GRM7: variants seen among roughly 807,000 people sequenced by gnomAD.
The protein encoded by GRM7 is glutamate metabotropic receptor 7.
Under a neutral mutation model 84.5 loss-of-function variants are expected in GRM7, and 35 were observed. That is an observed-to-expected ratio of 0.41 (90% CI 0.32 to 0.55). GRM7 has a LOEUF of 0.55. GRM7 is among the 20% of genes least tolerant of loss of function. The probability of loss-of-function intolerance (pLI) is 0.19; values close to 1 mark genes in which losing one functional copy is unlikely to be tolerated. For synonymous variants in GRM7, 487 were observed against 455.1 expected (o/e 1.07, Z -0.89); for missense variants, 1,003 against 1,194.6 (o/e 0.84, Z 2.36).
chr3:7,510,333 C>T (rs1218689447), intron 7 of GRM7, among the ~76,000 whole-genome samples: 5 of 152,154 alleles, frequency 3.3e-5, no homozygotes, highest in African/African-American at 1.2e-4. Context: ...CCTCCTTTGT[C>T]TCTCATCAGG....
At chr3:7,088,173 G>T (rs1698529826) in intron 1 of GRM7, among the ~76,000 whole-genome samples, 1 of 152,150 alleles carries the variant, frequency 6.6e-6, no homozygotes, top group Admixed American at 6.5e-5. Context: ...AGCCGTCTAA[G>T]CTTCAGTACC....
intron 8 of GRM7, among the ~76,000 whole-genome samples, chr3:7,586,749 A>C (rs1489811589): frequency 6.6e-6 from 1 of 152,192 alleles, no homozygotes; most frequent in African/African-American, 2.4e-5. Context: ...CAGAGGTTGC[A>C]GTGGGCCAAG....
intron 8 of GRM7, among the ~76,000 whole-genome samples, chr3:7,593,202 T>C (rs1288181958): frequency 6.6e-6 from 1 of 152,200 alleles, no homozygotes; most frequent in East Asian, 1.9e-4. Flanking sequence ...ATCGTTAAAG[T>C]ACAGTTTTAT....
intron 1 of GRM7, among the ~76,000 whole-genome samples, chr3:6,938,273 C>A (rs1697759592): frequency 6.6e-6 from 1 of 152,218 alleles, no homozygotes; most frequent in South Asian, 2.1e-4. Context: ...TTATCAACTT[C>A]TTTCCCATCA....
intron 4 of GRM7, among the ~76,000 whole-genome samples, chr3:7,346,848 T>G (rs1186695842): frequency 1.3e-5 from 2 of 152,150 alleles, no homozygotes; most frequent in Non-Finnish European, 2.9e-5. Context: ...GAGTGAGCTC[T>G]GGCACCAAGA....
chr3:7,002,858 G>A (rs1268626335), intron 1 of GRM7, among the ~76,000 whole-genome samples: 1 of 152,052 alleles, frequency 6.6e-6, no homozygotes, highest in Non-Finnish European at 1.5e-5. Context: ...CAACAGATAA[G>A]TAGATAAAGA....
chr3:7,054,365 T>C (rs1223810690), intron 1 of GRM7, among the ~76,000 whole-genome samples: 1 of 149,792 alleles, frequency 6.7e-6, no homozygotes, highest in Non-Finnish European at 1.5e-5. Flanking sequence ...ATATGTATGA[T>C]ATATATGATA....
At chr3:6,885,407 C>G (rs1369448363) in intron 1 of GRM7, among the ~76,000 whole-genome samples, 1 of 152,140 alleles carries the variant, frequency 6.6e-6, no homozygotes, top group African/African-American at 2.4e-5. Context: ...TCCGGGTTGT[C>G]CAGGTTGTTG....
intron 7 of GRM7, among the ~76,000 whole-genome samples, chr3:7,494,685 C>G (rs1467387635): frequency 6.6e-6 from 1 of 152,082 alleles, no homozygotes; most frequent in Non-Finnish European, 1.5e-5. Context: ...TCTGATGTGT[C>G]CTCTACTTTA....
At chr3:7,462,325 G>C (rs1698281721) in intron 7 of GRM7, among the ~76,000 whole-genome samples, 1 of 152,120 alleles carries the variant, frequency 6.6e-6, no homozygotes, top group Admixed American at 6.5e-5. Context: ...TTTAGGCCTT[G>C]AAATAATTGG....
intron 1 of GRM7, among the ~76,000 whole-genome samples, chr3:7,015,827 A>C (rs759592484): frequency 6.6e-6 from 1 of 152,240 alleles, no homozygotes; most frequent in Non-Finnish European, 1.5e-5. Context: ...AAGAGAGAGC[A>C]AGAAGGAGGC....
chr3:7,208,626 C>A (rs1003778976), intron 2 of GRM7, among the ~76,000 whole-genome samples: 1 of 152,094 alleles, frequency 6.6e-6, no homozygotes, highest in Non-Finnish European at 1.5e-5. Context: ...TAGCTGATAT[C>A]GTAGTATTAT....
At chr3:7,389,082 A>AT (rs1694892626) in intron 4 of GRM7, among the ~76,000 whole-genome samples, 1 of 151,908 alleles carries the variant, frequency 6.6e-6, no homozygotes, top group South Asian at 2.1e-4. Context: ...TTGTGTTTCT[A>AT]TTTTCATTTG....
At chr3:7,029,323 A>AG (rs1696103027) in intron 1 of GRM7, among the ~76,000 whole-genome samples, 2 of 150,526 alleles carry the variant, frequency 1.3e-5, no homozygotes, top group African/African-American at 4.9e-5. Context: ...AACAAAAAAA[A>AG]AAAACAAACA....
intron 2 of GRM7, among the ~76,000 whole-genome samples, chr3:7,152,333 C>T (rs1694311660): frequency 6.6e-6 from 1 of 152,150 alleles, no homozygotes; most frequent in Non-Finnish European, 1.5e-5. Flanking sequence ...ATATAGTATC[C>T]ATTCAGCTTT....
intron 6 of GRM7, among the ~76,000 whole-genome samples, chr3:7,458,186 G>T (rs867941741): frequency 6.6e-6 from 1 of 152,176 alleles, no homozygotes; most frequent in Non-Finnish European, 1.5e-5. Context: ...CTCTCATCCA[G>T]TAGGGGAGAT....
rs1574937799 is a variant in GRM7, at chr3:6,862,649, T to C, written c.519+742T>C. 1 of 231,608 alleles carries C rather than the reference T, an allele frequency of 4.3e-6. No individual in the cohort carries two copies. 14.3% of individuals were successfully genotyped at this position (231,608 alleles called of 1,614,324 possible). ...CGGAGCTGGGCGATCAGCTTTCCAC[T>C]CCTGCCACTTCAGACCTCAGCCCAG... On this transcript the variant is annotated intron_variant, in intron 1 of 9. Transcript: ENST00000357716. This position sits in a 1 kb window ranked among gnomAD's most constrained non-coding sequence, Gnocchi z 5.2.
chr3:7,728,613 T>A (rs1177783213), intron 9 of GRM7, among the ~76,000 whole-genome samples: 2 of 152,204 alleles, frequency 1.3e-5, no homozygotes, highest in African/African-American at 4.8e-5. Context: ...ATCTTTATTA[T>A]CTTGACTTAC....
intron 1 of GRM7, among the ~76,000 whole-genome samples, chr3:7,107,625 A>G (rs1044379481): frequency 3.3e-5 from 5 of 152,092 alleles, no homozygotes; most frequent in South Asian, 2.1e-4. Flanking sequence ...TTGAGGATCT[A>G]TATTTCAAGA....
Sources: gnomAD v4.1 joint callset for allele counts (sites outside exome capture counted in the v4.1 genomes callset) on GRCh38, gnomAD v4.1.1 for gene constraint, Gnocchi (gnomAD v3.1) non-coding constraint, MANE v1.5 for transcripts, NCBI Gene and HGNC (gene_info 2026-07-23, HGNC 2026-07-21) for gene names.